Variants in OPN3 observed in about 807,000 individuals in gnomAD.
OPN3 encodes the protein opsin-3.
In OPN3, 29 loss-of-function variants were observed where a neutral mutation model predicts 33.8. The observed-to-expected ratio is 0.86, with a 90% CI of 0.64 to 1.17. The LOEUF (loss-of-function observed/expected upper bound fraction) is 1.17, where lower values mean the gene tolerates loss of function less well. OPN3 is among the 50% of genes most tolerant of loss of function. The pLI is 0.00. For synonymous variants in OPN3, 216 were observed against 216.1 expected (o/e 1.00, Z 0.00); for missense variants, 437 against 514.1 (o/e 0.85, Z 1.45).
At chr1:241,633,846 A>T (rs1378871682) in intron 1 of OPN3, 1 of 1,613,862 alleles carries the variant, frequency 6.2e-7, no homozygotes, top group Non-Finnish European at 8.5e-7. Context: ...CTTTCCTCAG[A>T]GGATTCTAGT....
chr1:241,629,499 C>T (rs146435802), intron 1 of OPN3: 2 of 152,166 alleles, frequency 1.3e-5, no homozygotes, highest in African/African-American at 4.8e-5. Context: ...AGAGTACAAA[C>T]CCTTATGGAT....
chr1:241,606,653 A>G (rs559788063), intron 1 of OPN3, among the ~76,000 whole-genome samples: 3 of 152,192 alleles, frequency 2.0e-5, no homozygotes, highest in Non-Finnish European at 4.4e-5. Flanking sequence ...ACATGAACTG[A>G]AGTAAAAACC....
intron 2 of OPN3, among the ~76,000 whole-genome samples, chr1:241,603,306 C>T (rs1010269073): frequency 6.6e-6 from 1 of 152,008 alleles, no homozygotes; most frequent in South Asian, 2.1e-4. Context: ...AAATCAGAAG[C>T]AGACTTACTT....
At position 241,596,893 on chromosome 1, in the gene OPN3, T is replaced by C. The variant is rs73136882; in HGVS notation, c.945+853A>G. ...AGGCTGGAATGCACTGGTGCGATAG[T>C]GGGTCACTGCAGCCTTGACCTCCTG... On this transcript the variant is annotated intron_variant, in intron 3 of 3. Transcript: ENST00000366554. 3.0e-3 allele frequency among the ~76,000 whole-genome samples: 455 copies of C among 152,292 alleles called. 1 individual carries two copies. Among genetic ancestry groups the C allele is most frequent in the African/African-American group, 0.01 (431 of 41,568 alleles).
intron 1 of OPN3, among the ~76,000 whole-genome samples, chr1:241,627,281 G>A (rs1474305478): frequency 7.1e-6 from 1 of 141,010 alleles, no homozygotes; most frequent in African/African-American, 2.5e-5. Context: ...TTGTTGAAAA[G>A]CCAATCTAAA....
intron 1 of OPN3, chr1:241,633,884 G>T (rs1164545519): frequency 1.9e-6 from 3 of 1,613,816 alleles, no homozygotes; most frequent in Non-Finnish European, 2.5e-6. Flanking sequence ...ATTGGTTCCA[G>T]GAGCCTCTGG....
At chr1:241,610,962 C>T (rs1419059426) in intron 1 of OPN3, among the ~76,000 whole-genome samples, 1 of 151,600 alleles carries the variant, frequency 6.6e-6, no homozygotes, top group Admixed American at 6.6e-5. Flanking sequence ...TGAGAATATA[C>T]ATGTTTAGTA....
At chr1:241,615,519 G>A (rs1007455124) in intron 1 of OPN3, among the ~76,000 whole-genome samples, 15 of 152,016 alleles carry the variant, frequency 9.9e-5, no homozygotes, top group African/African-American at 3.4e-4. Context: ...AAAACCAACA[G>A]AAAGCCTTTC....
intron 2 of OPN3, 127 bp from the exon 3 acceptor site, chr1:241,598,124 C>T: frequency 7.5e-6 from 8 of 1,062,770 alleles, no homozygotes; most frequent in Non-Finnish European, 1.1e-5. Flanking sequence ...TGAATGGCAC[C>T]TTGGCAGGCT....
intron 1 of OPN3, among the ~76,000 whole-genome samples, chr1:241,636,232 T>C (rs1304396768): frequency 1.3e-5 from 2 of 152,198 alleles, no homozygotes; most frequent in African/African-American, 4.8e-5. Flanking sequence ...TTCTAATTTC[T>C]TGAGAATGGA....
chr1:241,640,332 G>A lies in OPN3; in HGVS notation c.-78C>T, dbSNP rs1306182033. ...TCGCGGCGCGCTCCGCACTGGGTGGGGTTGGGGCTCCGCCGCCTGCTCTAG... is the reference window on the plus strand; with the variant it reads ...TCGCGGCGCGCTCCGCACTGGGTGGAGTTGGGGCTCCGCCGCCTGCTCTAG... On this transcript the variant is annotated 5_prime_UTR_variant, in exon 1 of 4. Coordinates refer to ENST00000366554, the MANE Select transcript of OPN3 (RefSeq NM_014322.3). 3 of 1,083,300 alleles carry A rather than the reference G, an allele frequency of 2.8e-6. No homozygotes were observed. Among genetic ancestry groups the A allele is most frequent in the Non-Finnish European group, 3.3e-6 (3 of 896,306 alleles). The allele number at this position is 1,083,300 out of a possible 1,614,324, so 67.1% of individuals were successfully genotyped here. A position where few individuals can be genotyped will look rare whatever the true frequency, so the allele number is the denominator to read the frequency against.
chr1:241,598,595 A>G (rs1663599398), intron 2 of OPN3, among the ~76,000 whole-genome samples: 1 of 152,230 alleles, frequency 6.6e-6, no homozygotes, highest in Non-Finnish European at 1.5e-5. Flanking sequence ...CTTGCAGAGA[A>G]CAGCACTTGG....
chr1:241,610,983 G>A (rs1216461797), intron 1 of OPN3, among the ~76,000 whole-genome samples: 2 of 152,140 alleles, frequency 1.3e-5, no homozygotes, highest in East Asian at 1.9e-4. Flanking sequence ...AAGTGGTAAT[G>A]CGTAAGGTAT....
Position 241,640,066 on chromosome 1 carries a change from G to A in OPN3, c.189C>T (p.Leu63=), listed in dbSNP as rs1411465605. The A allele has an allele frequency of 6.2e-7, 1 of 1,611,812 alleles. No individual in the cohort carries two copies. Among genetic ancestry groups the A allele is most frequent in the Non-Finnish European group, 8.5e-7 (1 of 1,179,180 alleles). ...GCCGCTGGAACTTGTAGTAGAGGACGAGCACCAGCAGGTTGTTGCCGACGC... is the reference window on the plus strand; with the variant it reads ...GCCGCTGGAACTTGTAGTAGAGGACAAGCACCAGCAGGTTGTTGCCGACGC... ...LLGVGNNLLV[L]VLYYKFQRLR... Residue 63 remains leucine, a synonymous_variant, in exon 1 of 4, where the codon CTC becomes CTT. Coordinates refer to ENST00000366554, the MANE Select transcript of OPN3 (RefSeq NM_014322.3).
At position 241,610,338 on chromosome 1, in the gene OPN3, G is replaced by A. The variant is rs575353012; in HGVS notation, c.374-5759C>T. On this transcript the variant is annotated intron_variant, in intron 1 of 3. Coordinates refer to ENST00000366554, the MANE Select transcript of OPN3 (RefSeq NM_014322.3). ...GATAAGAGTTAAACAAAGCTGTGTC[G>A]GGGAGCTGGAGAATGCAATGGAGGA... Among the ~76,000 whole-genome samples the A allele has an allele frequency of 9.2e-5, 14 of 152,314 alleles. No individual in the cohort carries two copies. The South Asian group carries it at 1.0e-3, about 11-fold the overall frequency.
intron 3 of OPN3, chr1:241,595,588 A>G (rs946928641): frequency 6.6e-6 from 1 of 152,244 alleles, no homozygotes; most frequent in African/African-American, 2.4e-5. Flanking sequence ...TAAATGTTGA[A>G]TATATGGACT....
At chr1:241,635,075 A>G (rs1251415359) in intron 1 of OPN3, 2 of 1,612,902 alleles carry the variant, frequency 1.2e-6, no homozygotes, top group Non-Finnish European at 1.7e-6. Context: ...CACCAAATCA[A>G]TATTAAACCT....
intron 1 of OPN3, among the ~76,000 whole-genome samples, chr1:241,627,218 G>T (rs1356652203): frequency 1.3e-5 from 2 of 152,026 alleles, no homozygotes; most frequent in East Asian, 3.9e-4. Flanking sequence ...AATCGGAGTT[G>T]GCCCATTTTA....
At chr1:241,602,956 C>T (rs564745659) in intron 2 of OPN3, among the ~76,000 whole-genome samples, 1 of 152,228 alleles carries the variant, frequency 6.6e-6, no homozygotes, top group African/African-American at 2.4e-5. Context: ...ACCAATGGTT[C>T]TTTGAGTTAG....
Sources: allele counts gnomAD v4.1 joint callset (sites outside exome capture counted in the v4.1 genomes callset), GRCh38; gene constraint gnomAD v4.1.1; transcripts MANE v1.5; gene names NCBI Gene and HGNC (gene_info 2026-07-23, HGNC 2026-07-21).